PRICKLE3: variants seen among roughly 807,000 people sequenced by gnomAD.
PRICKLE3 encodes LIM domain only protein 6.
In PRICKLE3, 17 loss-of-function variants were observed where a neutral mutation model predicts 33.8. The observed-to-expected ratio is 0.50, with a 90% confidence interval of 0.34 to 0.75. PRICKLE3 has a LOEUF of 0.75. Ranked by LOEUF, PRICKLE3 falls within the 30% of genes least tolerant of loss-of-function variation. PRICKLE3 has a pLI of 0.01. For synonymous variants in PRICKLE3, 211 were observed against 219.6 expected (o/e 0.96, Z 0.34); for missense variants, 573 against 576.7 (o/e 0.99, Z 0.07).
In PRICKLE3 at chrX:49,183,766, C is replaced by T; in HGVS notation, c.280G>A (p.Ala94Thr). Residue 94 changes from alanine (A) to threonine (T), a missense_variant, in exon 3 of 9, where the codon GCC becomes ACC. Transcript: ENST00000599218. The stretch of plus-strand genomic sequence containing the variant: ...GGCTTAAGGCCTGGGGGCACCCAGG[C>T]ATACTCCTCCGATGCACAGCCTGAG... ...DDSGCASEEYAWVPPGLKPEQ... is the reference protein window; with the variant it reads ...DDSGCASEEYTWVPPGLKPEQ... 1 of 1,211,873 alleles carries T rather than the reference C, an allele frequency of 8.3e-7. No individual in the cohort carries two copies. Among genetic ancestry groups the T allele is most frequent in the Non-Finnish European group, 1.1e-6 (1 of 895,517 alleles).
In PRICKLE3 at chrX:49,177,215, A is replaced by G. The variant is rs200946635; in HGVS notation, c.956-13T>C. The G allele has an allele frequency of 5.3e-6, 6 of 1,130,178 alleles. No homozygotes were observed. In the East Asian group the frequency reaches 1.9e-4, roughly 36 times the overall value. The allele number at this position is 1,130,178 out of a possible 1,213,427, so 93.1% of individuals were successfully genotyped here. ...CCTTGGTCCAGGCCTGTGGGGAACG[A>G]CGAGGGGGAAAAACTGAGGCAGAAC... is the stretch of plus-strand genomic sequence containing the variant. On this transcript the variant is annotated splice_polypyrimidine_tract_variant and intron_variant, in intron 7 of 8. Coordinates refer to ENST00000599218, the MANE Select transcript of PRICKLE3 (RefSeq NM_006150.5).
At position 49,177,213 on chromosome X, in the gene PRICKLE3, C is replaced by A. The variant is rs782324357; in HGVS notation, c.956-11G>T. 9.7e-6 allele frequency: 11 copies of A among 1,132,054 alleles called. No individual in the cohort carries two copies. Among genetic ancestry groups the A allele is most frequent in the African/African-American group, 5.5e-5 (3 of 54,587 alleles). The allele number at this position is 1,132,054 out of a possible 1,213,427, so 93.3% of individuals were successfully genotyped here. On this transcript the variant is annotated splice_polypyrimidine_tract_variant and intron_variant, in intron 7 of 8. Coordinates refer to ENST00000599218, the MANE Select transcript of PRICKLE3 (RefSeq NM_006150.5). ...GGCCTTGGTCCAGGCCTGTGGGGAA[C>A]GACGAGGGGGAAAAACTGAGGCAGA...
rs924173387 is a variant in PRICKLE3, at chrX:49,178,445, C to T, written c.595G>A (p.Ala199Thr). ...CGKQIGGGDI[A>T]VFASRAGLGA... ...AGGCCTGCACGGCTGGCAAACACTGCGATGTCCCCACCTCCAATCTGCTTT... is the reference window on the plus strand; with the variant it reads ...AGGCCTGCACGGCTGGCAAACACTGTGATGTCCCCACCTCCAATCTGCTTT... Residue 199 changes from alanine to threonine, a missense_variant, in exon 6 of 9, where the codon GCA (alanine) becomes ACA (threonine). Coordinates refer to ENST00000599218, the MANE Select transcript of PRICKLE3 (RefSeq NM_006150.5). 9 of 1,210,667 alleles carry T rather than the reference C, an allele frequency of 7.4e-6. No homozygotes were observed. The highest frequency in any genetic ancestry group is 5.9e-5 in the East Asian group (2 of 33,827).
Position 49,178,392 on chromosome X carries a change from G to A in PRICKLE3, c.648C>T (p.Phe216=), listed in dbSNP as rs782152814. ...GLGACWHPQC[F]VCTTCQELLV... is the part of the protein sequence containing the mutation. ...GCAGTTCCTGGCACGTGGTACACAC[G>A]AAGCACTGTGGGTGCCAGCAGGCAC... The change falls in exon 6 of 9, where the codon TTC becomes TTT. Residue 216 remains phenylalanine (F), a synonymous_variant. Transcript: ENST00000599218. 111 of 1,210,441 alleles carry A rather than the reference G, an allele frequency of 9.2e-5. No homozygotes were observed. The East Asian group carries it at 3.1e-3, about 34-fold the overall frequency.
chrX:49,182,309 C>T (rs1227513686), intron 3 of PRICKLE3, among the ~76,000 whole-genome samples: 2 of 111,385 alleles, frequency 1.8e-5, no homozygotes, highest in African/African-American at 3.3e-5. Flanking sequence ...CCAGTGCCAT[C>T]ATCATCAGGT....
rs1557099725 is a variant in PRICKLE3 at position 49,175,349 on chromosome X, A to C, written c.*324T>G. 4.2e-6 allele frequency: 1 copy of C among 237,341 alleles called. No homozygotes were observed. The highest frequency in any genetic ancestry group is 7.4e-6 in the Non-Finnish European group (1 of 134,363). 19.6% of individuals were successfully genotyped at this position (237,341 alleles called of 1,213,427 possible). On this transcript the variant is annotated 3_prime_UTR_variant, in exon 9 of 9. Transcript: ENST00000599218. Reference sequence around the variant, plus strand: ...AGCCTGGGCAACATGGCAAAACCCCATCTCTACCAAAAAATTAAAAAATTA... The same window carrying C: ...AGCCTGGGCAACATGGCAAAACCCCCTCTCTACCAAAAAATTAAAAAATTA...
In PRICKLE3 at chrX:49,178,469, T is replaced by C. The variant is rs2065432309; in HGVS notation, c.571A>G (p.Lys191Glu). ...ITGAICEECG[K>E]QIGGGDIAVF... ...GCGATGTCCCCACCTCCAATCTGCT[T>C]TCCGCACTGCCATGAGACAAGCACC... Residue 191 changes from lysine (K) to glutamate (E), a missense_variant, in exon 6 of 9, where the codon AAG (lysine) becomes GAG (glutamate). Transcript: ENST00000599218. The C allele has an allele frequency of 1.7e-6, 2 of 1,206,999 alleles. No homozygotes were observed. The highest frequency in any genetic ancestry group is 3.5e-5 in the African/African-American group (2 of 57,523).
chrX:49,183,767 A>G lies in PRICKLE3; in HGVS notation c.279T>C (p.Tyr93=), dbSNP rs782787731. 1 of 1,209,941 alleles carries G rather than the reference A, an allele frequency of 8.3e-7. No homozygotes were observed. The highest frequency in any genetic ancestry group is 1.8e-5 in the South Asian group (1 of 56,828). Residue 93 remains tyrosine, a synonymous_variant, in exon 3 of 9, where the codon TAT becomes TAC. Transcript: ENST00000599218. ...DDDSGCASEE[Y]AWVPPGLKPE... is the part of the protein sequence containing the mutation. ...GCTTAAGGCCTGGGGGCACCCAGGC[A>G]TACTCCTCCGATGCACAGCCTGAGT...
intron 8 of PRICKLE3, 71 bp downstream of exon 8, chrX:49,176,832 A>AG: frequency 9.5e-7 from 1 of 1,052,590 alleles, no homozygotes; most frequent in East Asian, 3.3e-5. Flanking sequence ...AGGAAGGGCC[A>AG]GGGCTGAGGC....
At chrX:49,176,666 G>T (rs1411072574) in intron 8 of PRICKLE3, among the ~76,000 whole-genome samples, 3 of 108,855 alleles carry the variant, frequency 2.8e-5, no homozygotes, top group African/African-American at 1.0e-4. Context: ...TTGAGGTAGG[G>T]GACCAGCCCT....
intron 7 of PRICKLE3, among the ~76,000 whole-genome samples, chrX:49,177,790 G>A (rs1557100348): frequency 8.9e-6 from 1 of 112,028 alleles, no homozygotes; most frequent in East Asian, 2.8e-4. Flanking sequence ...CATTGTGTTA[G>A]GTGGGGTTTA....
chrX:49,186,175 A>C, intron 1 of PRICKLE3, 81 bp downstream of exon 1: 2 of 1,048,879 alleles, frequency 1.9e-6, no homozygotes, highest in South Asian at 4.1e-5. Context: ...TGGGGCACCT[A>C]TTCGCTATGC....
In PRICKLE3 at chrX:49,177,985, T is replaced by C; in HGVS notation, c.955+8A>G. The C allele has an allele frequency of 8.8e-7, 1 of 1,141,950 alleles. No individual in the cohort carries two copies. Among genetic ancestry groups the C allele is most frequent in the Non-Finnish European group, 1.2e-6 (1 of 861,418 alleles). The allele number at this position is 1,141,950 out of a possible 1,213,427, so 94.1% of individuals were successfully genotyped here. On this transcript the variant is annotated splice_region_variant and intron_variant, in intron 7 of 8. Coordinates refer to ENST00000599218, the MANE Select transcript of PRICKLE3 (RefSeq NM_006150.5). ...ATCCCTCTGTCCAGTCCCACAGCAT[T>C]CACCCACCGATGTGCTCCCCACAGC...
At chrX:49,184,962 G>T (rs1330246420) in intron 1 of PRICKLE3, 3 of 1,011,176 alleles carry the variant, frequency 3.0e-6, no homozygotes, top group Non-Finnish European at 3.9e-6. Context: ...GGCTGGCCTC[G>T]GACCCCCCTC....
rs1398019653 is a variant in PRICKLE3, at chrX:49,176,140, G to A, written c.1381C>T (p.Pro461Ser). The A allele has an allele frequency of 8.3e-7, 1 of 1,201,914 alleles. No homozygotes were observed. Among genetic ancestry groups the A allele is most frequent in the African/African-American group, 1.8e-5 (1 of 56,843 alleles). ...PESPGQPNLR[P>S]DDSAFGRQST... ...TGACGACCGAAGGCACTATCATCTG[G>A]GCGCAGGTTAGGCTGGCCGGGGGAC... Residue 461 changes from proline (P) to serine (S), a missense_variant, in exon 9 of 9, where the codon CCA becomes TCA. By Grantham distance (74) the Pro-to-Ser change is moderately conservative. Transcript: ENST00000599218.
At position 49,175,705 on chromosome X, in the gene PRICKLE3, G is replaced by A. The variant is rs782333430; in HGVS notation, c.1816C>T (p.Gln606Ter). ...ACGATGCAGTTCTTGTCTCGGGCCTGACGAGGCATCCCTGCGCGAGAGTCC... is the reference window on the plus strand; with the variant it reads ...ACGATGCAGTTCTTGTCTCGGGCCTAACGAGGCATCCCTGCGCGAGAGTCC... ...PRDSRAGMPR[Q>*]ARDKNCIVA The change falls in exon 9 of 9, where the codon CAG (glutamine) becomes TAG (stop). Residue 606 changes from glutamine to a stop codon, truncating the protein, a stop_gained. Transcript: ENST00000599218. LOFTEE classifies it high-confidence loss of function. 8.3e-7 allele frequency: 1 copy of A among 1,209,954 alleles called. No homozygotes were observed. The highest frequency in any genetic ancestry group is 1.1e-6 in the Non-Finnish European group (1 of 895,071).
chrX:49,184,877 A>T, intron 1 of PRICKLE3, 167 bp from the exon 2 acceptor site: 1 of 1,146,830 alleles, frequency 8.7e-7, no homozygotes. Flanking sequence ...GGGGAGCGGG[A>T]CACAACCGAG....
intron 6 of PRICKLE3, 22 bp downstream of exon 6, chrX:49,178,250 C>T (rs1557100461): frequency 8.3e-7 from 1 of 1,199,044 alleles, no homozygotes; most frequent in African/African-American, 1.7e-5. Flanking sequence ...CAACTCCCAC[C>T]CCTGGGCAGG....
rs782624829 is a variant in PRICKLE3, at chrX:49,175,932, C to T, written c.1589G>A (p.Arg530His). 2.7e-5 allele frequency: 33 copies of T among 1,208,816 alleles called. No homozygotes were observed. Among genetic ancestry groups the T allele is most frequent in the East Asian group, 3.0e-5 (1 of 33,703 alleles). Residue 530 changes from arginine (R) to histidine (H), a missense_variant, in exon 9 of 9, where the codon CGC (arginine) becomes CAC (histidine). Coordinates refer to ENST00000599218, the MANE Select transcript of PRICKLE3 (RefSeq NM_006150.5). ...TGATCCCGCGTCACATTGATAGTGG[C>T]GACGTCTGCTTGGGTGGCGGTTGTG... Reference protein sequence around the residue: ...HHHNRHPSRRRHYQCDAGSGS... With the variant: ...HHHNRHPSRRHHYQCDAGSGS...
Sources: gnomAD v4.1 joint callset for allele counts (sites outside exome capture counted in the v4.1 genomes callset) on GRCh38, gnomAD v4.1.1 for gene constraint, MANE v1.5 for transcripts, NCBI Gene and HGNC (gene_info 2026-07-23, HGNC 2026-07-21) for gene names.